NEK7: variants seen among roughly 807,000 people sequenced by gnomAD.
NEK7 encodes serine/threonine-protein kinase Nek7.
In NEK7, 18 loss-of-function variants were observed where a neutral mutation model predicts 44.6. The observed-to-expected ratio is 0.40, with a 90% CI of 0.28 to 0.60. The LOEUF (loss-of-function observed/expected upper bound fraction) is 0.60, where lower values mean the gene tolerates loss of function less well. Ranked by LOEUF, NEK7 falls within the 20% of genes least tolerant of loss-of-function variation. The pLI is 0.38. For missense variants in NEK7, 256 were observed against 366.5 expected (o/e 0.70, Z 2.46); for synonymous variants, 130 against 121.1 (o/e 1.07, Z -0.48).
chr1:198,256,334 C>A, intron 3 of NEK7: 1 of 1,604,738 alleles, frequency 6.2e-7, no homozygotes, highest in South Asian at 1.1e-5. Flanking sequence ...GCAGGTTTGC[C>A]TGTTACCTGT....
chr1:198,235,708 A>T (rs996219202), intron 2 of NEK7, among the ~76,000 whole-genome samples: 13 of 152,204 alleles, frequency 8.5e-5, no homozygotes, highest in Non-Finnish European at 1.3e-4. Flanking sequence ...AAAGTTAATT[A>T]TAAACCAATT....
chr1:198,213,012 G>C (rs1665820931), intron 1 of NEK7, among the ~76,000 whole-genome samples: 1 of 152,168 alleles, frequency 6.6e-6, no homozygotes, highest in African/African-American at 2.4e-5. Context: ...TTCTAACCAA[G>C]GAAATCTCAG....
chr1:198,275,135 A>T (rs1269730876), intron 5 of NEK7, among the ~76,000 whole-genome samples: 1 of 151,452 alleles, frequency 6.6e-6, no homozygotes, highest in Admixed American at 6.6e-5. Context: ...AATTTTGATA[A>T]AAGTGGAAAA....
chr1:198,305,391 T>C (rs1654994594), intron 9 of NEK7, among the ~76,000 whole-genome samples: 1 of 152,170 alleles, frequency 6.6e-6, no homozygotes, highest in Non-Finnish European at 1.5e-5. Flanking sequence ...GTTTTTAAAA[T>C]AACTTTATTC....
intron 5 of NEK7, among the ~76,000 whole-genome samples, chr1:198,267,274 C>CTCAT (rs61574788): frequency 0.16 from 24,704 of 151,376 alleles, 2,276 homozygotes; most frequent in Admixed American, 0.28. Context: ...ACACCTGTTC[C>CTCAT]TCATTCATTC....
At chr1:198,220,450 A>G (rs1241796831) in intron 1 of NEK7, among the ~76,000 whole-genome samples, 1 of 152,126 alleles carries the variant, frequency 6.6e-6, no homozygotes, top group Non-Finnish European at 1.5e-5. Flanking sequence ...AGACTGGGAT[A>G]CTAGAAACAT....
At chr1:198,236,117 G>A (rs761504856) in intron 2 of NEK7, among the ~76,000 whole-genome samples, 3 of 152,160 alleles carry the variant, frequency 2.0e-5, no homozygotes, top group Non-Finnish European at 4.4e-5. Context: ...AGGCCAGCCA[G>A]AAAGTATCCC....
intron 2 of NEK7, among the ~76,000 whole-genome samples, chr1:198,238,478 C>CTA: frequency 6.6e-6 from 1 of 152,096 alleles, no homozygotes; most frequent in East Asian, 2.0e-4. Context: ...AATTTAACCC[C>CTA]TGACCCACTC....
intron 1 of NEK7, among the ~76,000 whole-genome samples, chr1:198,213,909 A>C (rs540474496): frequency 4.7e-4 from 71 of 152,268 alleles, no homozygotes; most frequent in Admixed American, 3.1e-3. Flanking sequence ...CCAGTGTATA[A>C]AATATTGGAG....
chr1:198,247,706 A>G lies in NEK7; in HGVS notation c.58-5334A>G, dbSNP rs1558076072. On this transcript the variant is annotated intron_variant, in intron 2 of 9. Coordinates refer to ENST00000367385, the MANE Select transcript of NEK7 (RefSeq NM_133494.3). ...AGAAGAAAACAATGTACAATAACAAATTATTGCTTCTTTTTTTTTTAAGAG... is the reference window on the plus strand; with the variant it reads ...AGAAGAAAACAATGTACAATAACAAGTTATTGCTTCTTTTTTTTTTAAGAG... 1.3e-5 allele frequency among the ~76,000 whole-genome samples: 2 copies of G among 151,712 alleles called. 1 individual carries two copies. Among genetic ancestry groups the G allele is most frequent in the Non-Finnish European group, 2.9e-5 (2 of 67,986 alleles).
At chr1:198,186,232 A>G (rs578011713) in intron 1 of NEK7, among the ~76,000 whole-genome samples, 8 of 152,208 alleles carry the variant, frequency 5.3e-5, no homozygotes, top group Non-Finnish European at 1.2e-4. Context: ...TCTGTTTAGC[A>G]ATGAATTCAA....
At chr1:198,207,453 G>A (rs1408811410) in intron 1 of NEK7, among the ~76,000 whole-genome samples, 2 of 152,012 alleles carry the variant, frequency 1.3e-5, no homozygotes, top group East Asian at 3.9e-4. Flanking sequence ...GTCCTGAACT[G>A]GAAACAATGC....
intron 7 of NEK7, among the ~76,000 whole-genome samples, chr1:198,282,793 A>G (rs1217968405): frequency 6.6e-6 from 1 of 152,140 alleles, no homozygotes; most frequent in Non-Finnish European, 1.5e-5. Flanking sequence ...GATTCAAAAA[A>G]TAGTTTTCAT....
intron 9 of NEK7, among the ~76,000 whole-genome samples, chr1:198,319,139 T>A (rs903284122): frequency 1.3e-5 from 2 of 152,210 alleles, no homozygotes; most frequent in Non-Finnish European, 2.9e-5. Context: ...GATTAAACTC[T>A]GAAAAATTAA....
intron 1 of NEK7, among the ~76,000 whole-genome samples, chr1:198,175,051 C>T (rs1664566233): frequency 6.6e-6 from 1 of 152,064 alleles, no homozygotes; most frequent in Non-Finnish European, 1.5e-5. Flanking sequence ...AGGCACTGTA[C>T]CGTGCCTGTT....
chr1:198,309,276 A>G (rs1388191212), intron 9 of NEK7, among the ~76,000 whole-genome samples: 1 of 152,016 alleles, frequency 6.6e-6, no homozygotes, highest in Admixed American at 6.6e-5. Context: ...AGGGGCATGA[A>G]GCAGTTTGGC....
chr1:198,305,812 A>G (rs1273688712), intron 9 of NEK7, among the ~76,000 whole-genome samples: 2 of 152,182 alleles, frequency 1.3e-5, no homozygotes, highest in Non-Finnish European at 2.9e-5. Context: ...GTGAAGGCAG[A>G]TCCATTAATT....
At chr1:198,294,714 AAAT>A (rs1200816693) in intron 8 of NEK7, among the ~76,000 whole-genome samples, 1 of 152,170 alleles carries the variant, frequency 6.6e-6, no homozygotes, top group African/African-American at 2.4e-5. Context: ...ACAAAAATAA[AAAT>A]AACATCTTTG....
At chr1:198,276,363 G>C (rs1169445037) in intron 5 of NEK7, among the ~76,000 whole-genome samples, 2 of 151,542 alleles carry the variant, frequency 1.3e-5, no homozygotes. Context: ...AAGAAACCTG[G>C]TCCCCATCTT....
Sources: gnomAD v4.1 joint callset for allele counts (sites outside exome capture counted in the v4.1 genomes callset) on GRCh38, gnomAD v4.1.1 for gene constraint, MANE v1.5 for transcripts, NCBI Gene and HGNC (gene_info 2026-07-23, HGNC 2026-07-21) for gene names.